The following TRMT44 variants were observed in gnomAD, a reference collection of about 807,000 sequenced individuals.
TRMT44 encodes probable tRNA (uracil-O(2)-)-methyltransferase.
Under a neutral mutation model 77.3 loss-of-function variants are expected in TRMT44, and 78 were observed. The observed-to-expected ratio is 1.01, with a 90% CI of 0.84 to 1.22. The LOEUF is 1.22. TRMT44 is among the 50% of genes most tolerant of loss of function. The pLI, the probability that TRMT44 is intolerant of heterozygous loss-of-function variation, is 0.00. For missense variants in TRMT44, 1,090 were observed against 964.4 expected (o/e 1.13, Z -1.73); for synonymous variants, 391 against 383.3 (o/e 1.02, Z -0.23).
downstream of TRMT44, among the ~76,000 whole-genome samples, chr4:8,497,531 G>A (rs890175985): frequency 6.6e-6 from 1 of 152,176 alleles, no homozygotes; most frequent in Admixed American, 6.5e-5. Context: ...TGTAGTCCCA[G>A]CTACTCAGGA....
rs373365147 is a variant in TRMT44, at chr4:8,460,864, T to G, written c.1204-3121T>G. Among the ~76,000 whole-genome samples the G allele has an allele frequency of 1.1e-4, 16 of 151,894 alleles. No homozygotes were observed. In the East Asian group the frequency reaches 2.9e-3, roughly 28 times the overall value. ...CCACACGCAGCCCCCCTTTTATTTTTTTGGAGACAGGGTCTCAATCTGTTG... is the reference window on the plus strand; with the variant it reads ...CCACACGCAGCCCCCCTTTTATTTTGTTGGAGACAGGGTCTCAATCTGTTG... On this transcript the variant is annotated intron_variant, in intron 6 of 10. Transcript: ENST00000389737.
intron 6 of TRMT44, among the ~76,000 whole-genome samples, chr4:8,460,701 G>A (rs1026674710): frequency 1.5e-4 from 23 of 151,940 alleles, no homozygotes; most frequent in East Asian, 3.9e-4. Flanking sequence ...CCACAGGCGC[G>A]CACCACCACT....
At position 8,489,602 on chromosome 4, in the gene TRMT44, G is replaced by A. The variant is rs563565564; in HGVS notation, n.3892-3664G>A. Among the ~76,000 whole-genome samples, 7 of 152,190 alleles carry A rather than the reference G, an allele frequency of 4.6e-5. No homozygotes were observed. The South Asian group carries it at 1.2e-3, about 27-fold the overall frequency. ...AGCGATTCTCCTGCCTCAGCCTCCCGAGTGGCTGGGATTACAGGTGTTAGC... is the reference window on the plus strand; with the variant it reads ...AGCGATTCTCCTGCCTCAGCCTCCCAAGTGGCTGGGATTACAGGTGTTAGC... On this transcript the variant is annotated intron_variant and non_coding_transcript_variant, in intron 2 of 2. Transcript: ENST00000511366.
chr4:8,455,210 C>T (rs6843048), intron 6 of TRMT44, among the ~76,000 whole-genome samples: 10,141 of 152,278 alleles, frequency 0.067, 648 homozygotes, highest in African/African-American at 0.17. Flanking sequence ...GCCAGGACTG[C>T]GCCAGGGATG....
intron 9 of TRMT44, among the ~76,000 whole-genome samples, chr4:8,470,174 C>A (rs1726886421): frequency 6.6e-6 from 1 of 152,224 alleles, no homozygotes; most frequent in South Asian, 2.1e-4. Context: ...ACTCCCGCTC[C>A]TCTCAGAATG....
chr4:8,486,074 G>A (rs1254950526), intron 2 of TRMT44, among the ~76,000 whole-genome samples: 1 of 152,216 alleles, frequency 6.6e-6, no homozygotes, highest in Non-Finnish European at 1.5e-5. Flanking sequence ...CTGGGAAGGA[G>A]TCAGTCAGAG....
the TRMT44 span, among the ~76,000 whole-genome samples, chr4:8,499,173 TGGCTCTG>T: frequency 4.6e-5 from 7 of 152,070 alleles, no homozygotes; most frequent in Non-Finnish European, 8.8e-5. Flanking sequence ...TCCTGAGATG[TGGCTCTG>T]GGTTCTAGGG....
At chr4:8,516,583 C>G in the TRMT44 span, among the ~76,000 whole-genome samples, 1 of 152,172 alleles carries the variant, frequency 6.6e-6, no homozygotes, top group African/African-American at 2.4e-5. Flanking sequence ...AGTTCAAGAC[C>G]AGCCTGGGCA....
At chr4:8,474,692 A>G (rs1727253916) in intron 10 of TRMT44, among the ~76,000 whole-genome samples, 2 of 152,150 alleles carry the variant, frequency 1.3e-5, no homozygotes, top group South Asian at 4.1e-4. Flanking sequence ...TATTCCCCCG[A>G]GCCTTCTGTC....
At chr4:8,466,142 A>T (rs533397162) in intron 8 of TRMT44, among the ~76,000 whole-genome samples, 2 of 152,344 alleles carry the variant, frequency 1.3e-5, no homozygotes, top group African/African-American at 4.8e-5. Context: ...GGAAGTGTTT[A>T]CAGCAGCTCA....
chr4:8,459,566 A>G (rs1287610084), intron 6 of TRMT44, among the ~76,000 whole-genome samples: 1 of 152,216 alleles, frequency 6.6e-6, no homozygotes, highest in Non-Finnish European at 1.5e-5. Flanking sequence ...TTGTGTGTAA[A>G]TCATAGTCCA....
chr4:8,503,072 C>G, the TRMT44 span, among the ~76,000 whole-genome samples: 3 of 152,362 alleles, frequency 2.0e-5, 1 homozygote, highest in African/African-American at 7.2e-5. Context: ...GGTTTGGTTT[C>G]TGGCTGTGAC....
the TRMT44 span, chr4:8,510,391 C>T: frequency 6.5e-6 from 1 of 152,862 alleles, no homozygotes; most frequent in Non-Finnish European, 1.5e-5. Flanking sequence ...CCTCCCTCCA[C>T]ACTGAAGGCC....
intron 2 of TRMT44, among the ~76,000 whole-genome samples, chr4:8,483,888 G>T (rs1403175384): frequency 6.6e-6 from 1 of 152,160 alleles, no homozygotes; most frequent in Non-Finnish European, 1.5e-5. Context: ...AGGTATTTTA[G>T]TTGCCTGACT....
intron 8 of TRMT44, among the ~76,000 whole-genome samples, chr4:8,466,221 C>G (rs1250500347): frequency 6.6e-6 from 1 of 152,242 alleles, no homozygotes; most frequent in East Asian, 1.9e-4. Context: ...AAAAATAACC[C>G]CGTCGTGTCC....
chr4:8,498,711 G>A, the TRMT44 span, among the ~76,000 whole-genome samples: 1 of 152,154 alleles, frequency 6.6e-6, no homozygotes, highest in African/African-American at 2.4e-5. The surrounding 1 kb of genome is among the most constrained non-coding windows in gnomAD (Gnocchi z 4.3). Flanking sequence ...CTCATTCCCA[G>A]CTGCCTGTGT....
At chr4:8,478,380 G>A (rs1258324101), downstream of TRMT44, 1 of 136,078 alleles carries the variant, frequency 7.3e-6, no homozygotes, top group Admixed American at 7.0e-5. Flanking sequence ...GGCCCACCAT[G>A]GCCATAGGCC....
the TRMT44 span, among the ~76,000 whole-genome samples, chr4:8,502,589 AGTATTCGATTCCTTGCTGGCT>A: frequency 1.3e-5 from 2 of 152,218 alleles, no homozygotes; most frequent in South Asian, 4.1e-4. Flanking sequence ...GGATGTTGGC[AGTATTCGATTCCTTGCTGGCT>A]GTTGGCCAGA....
intron 2 of TRMT44, among the ~76,000 whole-genome samples, chr4:8,492,043 C>T (rs1391068819): frequency 2.0e-5 from 3 of 152,228 alleles, no homozygotes; most frequent in African/African-American, 7.2e-5. Context: ...ATGCCATGGT[C>T]TTTCTTTGTG....
Sources: gnomAD v4.1 joint callset for allele counts (sites outside exome capture counted in the v4.1 genomes callset) on GRCh38, gnomAD v4.1.1 for gene constraint, Gnocchi (gnomAD v3.1) non-coding constraint, MANE v1.5 for transcripts, NCBI Gene and HGNC (gene_info 2026-07-23, HGNC 2026-07-21) for gene names.